YWHAG: variants seen among roughly 807,000 people sequenced by gnomAD.
YWHAG encodes tyrosine 3-monooxygenase/tryptophan 5-monooxygenase activation protein gamma, also known as 14-3-3 protein gamma.
Under a neutral mutation model 23.3 loss-of-function variants are expected in YWHAG, and 1 was observed. That is an observed-to-expected ratio of 0.04 (90% CI 0.02 to 0.20). The LOEUF is 0.20. Among genes scored for constraint, YWHAG ranks in the 10% least tolerant of loss-of-function variants. YWHAG has a pLI of 1.00. For synonymous variants in YWHAG, 160 were observed against 144.0 expected (o/e 1.11, Z -0.80); for missense variants, 151 against 338.6 (o/e 0.45, Z 4.35).
intron 1 of YWHAG, among the ~76,000 whole-genome samples, chr7:76,334,727 T>C (rs1583984198): frequency 1.4e-5 from 2 of 138,732 alleles, no homozygotes; most frequent in South Asian, 2.2e-4. Context: ...TCTTCTTCTT[T>C]AAAAAAAAAA....
chr7:76,339,731 G>A (rs935656188), intron 1 of YWHAG, among the ~76,000 whole-genome samples: 1 of 152,140 alleles, frequency 6.6e-6, no homozygotes, highest in Non-Finnish European at 1.5e-5. Context: ...TAAGGATGAA[G>A]ACTTTTACAA....
chr7:76,335,563 G>A (rs1803603902), intron 1 of YWHAG, among the ~76,000 whole-genome samples: 1 of 152,220 alleles, frequency 6.6e-6, no homozygotes, highest in Non-Finnish European at 1.5e-5. Context: ...AGCAACTCTT[G>A]AAATTCTTGG....
Position 76,330,111 on chromosome 7 carries a change from T to C in YWHAG, c.210A>G (p.Thr70=), listed in dbSNP as rs1563661657. The change falls in exon 2 of 2, where the codon ACA becomes ACG. Residue 70 remains threonine (T), a synonymous_variant. Coordinates refer to ENST00000307630, the MANE Select transcript of YWHAG (RefSeq NM_012479.4). ...WRVISSIEQK[T]SADGNEKKIE... is the part of the protein sequence containing the mutation. ...TCTTCTTCTCATTGCCGTCTGCAGA[T>C]GTCTTCTGCTCAATGCTACTGATGA... The C allele has an allele frequency of 9.9e-6, 16 of 1,614,154 alleles. No homozygotes were observed. The highest frequency in any genetic ancestry group is 1.3e-5 in the Non-Finnish European group (15 of 1,180,036).
At chr7:76,358,549 G>A (rs556182180) in intron 1 of YWHAG, among the ~76,000 whole-genome samples, 173 bp downstream of exon 1, 1 of 152,310 alleles carries the variant, frequency 6.6e-6, no homozygotes, top group East Asian at 1.9e-4. Context: ...AAGAGGCCGC[G>A]TCACAGCCCG....
rs1804001114 is a variant in YWHAG at position 76,358,638 on chromosome 7, G to A, written c.87+84C>T. 6 of 1,363,774 alleles carry A rather than the reference G, an allele frequency of 4.4e-6. No homozygotes were observed. In the Admixed American group the frequency reaches 1.1e-4, roughly 26 times the overall value. The allele number at this position is 1,363,774 out of a possible 1,614,324, so 84.5% of individuals were successfully genotyped here. A position where few individuals can be genotyped will look rare whatever the true frequency, so the allele number is the denominator to read the frequency against. Reference sequence around the variant, plus strand: ...GGCGGTCAACCCGCCATCGCGACAGGGCGACGAAGCCCCGGGCCTTCCACG... The same window carrying A: ...GGCGGTCAACCCGCCATCGCGACAGAGCGACGAAGCCCCGGGCCTTCCACG... On this transcript the variant is annotated intron_variant, in intron 1 of 1. Transcript: ENST00000307630.
At chr7:76,330,470 A>T (rs1196365822) in intron 1 of YWHAG, among the ~76,000 whole-genome samples, 1 of 152,228 alleles carries the variant, frequency 6.6e-6, no homozygotes, top group Non-Finnish European at 1.5e-5. Context: ...AAAAGGACAC[A>T]GGCTTATCAC....
intron 1 of YWHAG, among the ~76,000 whole-genome samples, chr7:76,358,270 T>C (rs1281084705): frequency 1.3e-5 from 2 of 151,976 alleles, no homozygotes; most frequent in East Asian, 1.9e-4. Context: ...CCGGGAGACC[T>C]GCTGAGTGAA....
intron 1 of YWHAG, among the ~76,000 whole-genome samples, chr7:76,333,005 A>T (rs2908191): frequency 1.6e-4 from 24 of 151,664 alleles, no homozygotes; most frequent in African/African-American, 2.2e-4. Context: ...GGGTCTCACT[A>T]TATCAATCCG....
chr7:76,355,547 T>G (rs1355069357), intron 1 of YWHAG, among the ~76,000 whole-genome samples: 1 of 152,158 alleles, frequency 6.6e-6, no homozygotes, highest in South Asian at 2.1e-4. Flanking sequence ...CTTAGAATAA[T>G]GGTTGGCAGA....
intron 1 of YWHAG, among the ~76,000 whole-genome samples, chr7:76,347,609 AC>A (rs1803800593): frequency 6.6e-6 from 1 of 151,808 alleles, no homozygotes; most frequent in East Asian, 1.9e-4. Flanking sequence ...AACAAAAAAA[AC>A]ACTCAAATGT....
intron 1 of YWHAG, among the ~76,000 whole-genome samples, chr7:76,352,168 A>G (rs1803885981): frequency 6.6e-6 from 1 of 152,250 alleles, no homozygotes; most frequent in East Asian, 1.9e-4. Context: ...AACTAGCACC[A>G]TAGGCATTTT....
intron 1 of YWHAG, among the ~76,000 whole-genome samples, chr7:76,332,828 C>T (rs1387421307): frequency 1.3e-5 from 2 of 151,964 alleles, no homozygotes; most frequent in African/African-American, 2.4e-5. Flanking sequence ...CTCAGCCTCC[C>T]GAGTAGCTGG....
intron 1 of YWHAG, among the ~76,000 whole-genome samples, chr7:76,356,910 A>T (rs915104513): frequency 6.6e-6 from 1 of 152,194 alleles, no homozygotes; most frequent in African/African-American, 2.4e-5. Context: ...ATTACCTTGG[A>T]TAAATGCCAT....
intron 1 of YWHAG, among the ~76,000 whole-genome samples, chr7:76,353,040 A>C (rs1026027187): frequency 6.6e-6 from 1 of 152,220 alleles, no homozygotes; most frequent in East Asian, 1.9e-4. Flanking sequence ...CACACTTAAC[A>C]AGTGAAATGC....
intron 1 of YWHAG, among the ~76,000 whole-genome samples, chr7:76,356,543 TA>T (rs1803963415): frequency 6.6e-6 from 1 of 152,180 alleles, no homozygotes; most frequent in African/African-American, 2.4e-5. Context: ...AGGTTTTTAT[TA>T]AAACCTGCCA....
intron 1 of YWHAG, among the ~76,000 whole-genome samples, chr7:76,353,405 G>T (rs1803902608): frequency 6.6e-6 from 1 of 151,988 alleles, no homozygotes; most frequent in East Asian, 1.9e-4. Flanking sequence ...GTAGAGACAA[G>T]TTTCACCATG....
rs112507816 is a variant in YWHAG at position 76,332,788 on chromosome 7, C to T, written c.88-2555G>A. Reference sequence around the variant, plus strand: ...ATGGCATGATGTCGGCTCACTGCAACCTCCCCCCAAGTTCAAGCGATTCTC... The same window carrying T: ...ATGGCATGATGTCGGCTCACTGCAATCTCCCCCCAAGTTCAAGCGATTCTC... On this transcript the variant is annotated intron_variant, in intron 1 of 1. Transcript: ENST00000307630. Among the ~76,000 whole-genome samples, 1,350 of 151,246 alleles carry T rather than the reference C, an allele frequency of 8.9e-3. 26 individuals are homozygous for T. Among genetic ancestry groups the T allele is most frequent in the African/African-American group, 0.031 (1,268 of 41,166 alleles).
chr7:76,329,596 C>T lies in YWHAG; in HGVS notation c.725G>A (p.Gly242Asp). The change falls in exon 2 of 2, where the codon GGC becomes GAC. Residue 242 changes from glycine to aspartate, a missense_variant. Coordinates refer to ENST00000307630, the MANE Select transcript of YWHAG (RefSeq NM_012479.4). This position sits in a 1 kb window ranked among gnomAD's most constrained non-coding sequence, Gnocchi z 6.1. ...LWTSDQQDDD[G>D]GEGNN is the part of the protein sequence containing the mutation. ...GGGGCCTTAATTGTTGCCTTCGCCG[C>T]CATCGTCGTCCTGCTGGTCGCTCGT... 6.2e-7 allele frequency: 1 copy of T among 1,608,652 alleles called. No homozygotes were observed. The highest frequency in any genetic ancestry group is 8.5e-7 in the Non-Finnish European group (1 of 1,175,640).
intron 1 of YWHAG, among the ~76,000 whole-genome samples, chr7:76,349,066 G>C (rs1232886875): frequency 6.6e-6 from 1 of 152,020 alleles, no homozygotes; most frequent in African/African-American, 2.4e-5. Flanking sequence ...TTCCCGGCCG[G>C]GTGTGGTGGC....
Sources: allele counts gnomAD v4.1 joint callset (sites outside exome capture counted in the v4.1 genomes callset), GRCh38; gene constraint gnomAD v4.1.1; non-coding constraint Gnocchi (gnomAD v3.1); transcripts MANE v1.5; gene names NCBI Gene and HGNC (gene_info 2026-07-23, HGNC 2026-07-21).